STX8: variants seen among roughly 807,000 people sequenced by gnomAD.
The protein encoded by STX8 is syntaxin-8.
STX8 carries 23 observed loss-of-function variants against 37.5 expected under a neutral mutation model. That is an observed-to-expected ratio of 0.61 (90% CI 0.44 to 0.87). The LOEUF (loss-of-function observed/expected upper bound fraction) is 0.87. Ranked by LOEUF, STX8 falls within the 40% of genes least tolerant of loss-of-function variation. STX8 has a pLI of 0.00. For missense variants in STX8, 313 were observed against 284.7 expected (o/e 1.10, Z -0.71); for synonymous variants, 115 against 99.1 (o/e 1.16, Z -0.95).
chr17:9,288,708 G>T (rs535659074), intron 7 of STX8, among the ~76,000 whole-genome samples: 32 of 150,410 alleles, frequency 2.1e-4, no homozygotes, highest in East Asian at 1.8e-3. Flanking sequence ...ATAAATAAAA[G>T]AATTTCAATG....
At chr17:9,413,818 A>G (rs2142337351) in intron 6 of STX8, among the ~76,000 whole-genome samples, 1 of 152,250 alleles carries the variant, frequency 6.6e-6, no homozygotes, top group African/African-American at 2.4e-5. Flanking sequence ...ACCTCAACGG[A>G]AAAAAACTTG....
At chr17:9,391,716 G>A (rs1234314847) in intron 6 of STX8, among the ~76,000 whole-genome samples, 14 of 148,298 alleles carry the variant, frequency 9.4e-5, no homozygotes, top group Non-Finnish European at 2.1e-4. Context: ...GAAAAAGAGA[G>A]AGAGAAAAAA....
chr17:9,510,197 A>G (rs1456940139), intron 4 of STX8, among the ~76,000 whole-genome samples: 1 of 152,164 alleles, frequency 6.6e-6, no homozygotes, highest in East Asian at 1.9e-4. Context: ...AGATTCTAAC[A>G]TCTCACTCTC....
intron 7 of STX8, among the ~76,000 whole-genome samples, chr17:9,314,434 C>G (rs187214168): frequency 6.6e-6 from 1 of 152,084 alleles, no homozygotes; most frequent in Non-Finnish European, 1.5e-5. Context: ...GTCTCACTCT[C>G]TCTCCCAGTC....
chr17:9,449,846 A>G (rs1166143477), intron 6 of STX8, among the ~76,000 whole-genome samples: 1 of 151,760 alleles, frequency 6.6e-6, no homozygotes, highest in Non-Finnish European at 1.5e-5. Context: ...AGCCAAGCAC[A>G]GGTGGCACAC....
intron 6 of STX8, among the ~76,000 whole-genome samples, chr17:9,468,827 C>T (rs1205000469): frequency 1.3e-5 from 2 of 152,120 alleles, no homozygotes; most frequent in Non-Finnish European, 2.9e-5. Context: ...ATTTCGGCAC[C>T]CGGGCTTCCC....
rs536540324 is a variant in STX8, at chr17:9,400,702, G to T, written c.542-22049C>A. ...TTACAGGCGTGAGCCACCCGCGCCCGGCCGAGTCAGTGGAATTATTTAAAT... is the reference window on the plus strand; with the variant it reads ...TTACAGGCGTGAGCCACCCGCGCCCTGCCGAGTCAGTGGAATTATTTAAAT... On this transcript the variant is annotated intron_variant, in intron 6 of 7. Coordinates refer to ENST00000306357, the MANE Select transcript of STX8 (RefSeq NM_004853.3). 1.4e-4 allele frequency among the ~76,000 whole-genome samples: 22 copies of T among 152,316 alleles called. No homozygotes were observed. In the South Asian group the frequency reaches 2.7e-3, roughly 19 times the overall value.
chr17:9,502,233 T>C (rs2125349), intron 5 of STX8, among the ~76,000 whole-genome samples: 108,304 of 152,014 alleles, frequency 0.71, 38,832 homozygotes, highest in Middle Eastern at 0.85. Flanking sequence ...TATGATCTCA[T>C]TTATATGCAG....
chr17:9,415,795 T>A (rs17206891), intron 6 of STX8, among the ~76,000 whole-genome samples: 48,625 of 151,998 alleles, frequency 0.32, 9,222 homozygotes, highest in East Asian at 0.61. Flanking sequence ...AGCAATGGCT[T>A]TTCTTCTGTA....
intron 6 of STX8, among the ~76,000 whole-genome samples, chr17:9,448,711 G>A (rs981233011): frequency 6.6e-6 from 1 of 152,120 alleles, no homozygotes; most frequent in Non-Finnish European, 1.5e-5. Context: ...AATGCTATGA[G>A]CTTGAGGGAC....
At chr17:9,305,892 G>A (rs1424910157) in intron 7 of STX8, among the ~76,000 whole-genome samples, 1 of 151,510 alleles carries the variant, frequency 6.6e-6, no homozygotes, top group Admixed American at 6.6e-5. Context: ...TTACAGATGC[G>A]CACCACCATT....
intron 7 of STX8, among the ~76,000 whole-genome samples, chr17:9,336,380 CCTTT>C (rs1377347604): frequency 6.6e-6 from 1 of 152,052 alleles, no homozygotes; most frequent in Non-Finnish European, 1.5e-5. Flanking sequence ...TCCTTTCCTT[CCTTT>C]CTTTCTCCCC....
intron 7 of STX8, among the ~76,000 whole-genome samples, chr17:9,348,279 C>T (rs1457861784): frequency 4.0e-5 from 6 of 151,824 alleles, no homozygotes; most frequent in African/African-American, 1.2e-4. Context: ...ATTAGCCAGG[C>T]GTGGTGCGGA....
chr17:9,341,508 C>T (rs1314267082), intron 7 of STX8, among the ~76,000 whole-genome samples: 1 of 152,270 alleles, frequency 6.6e-6, no homozygotes, highest in South Asian at 2.1e-4. Context: ...GTGATCTCGG[C>T]TCACTGCAAC....
intron 7 of STX8, among the ~76,000 whole-genome samples, chr17:9,253,846 A>C (rs1906683201): frequency 6.6e-6 from 1 of 152,150 alleles, no homozygotes; most frequent in East Asian, 1.9e-4. Flanking sequence ...AAGTGACAAG[A>C]ACAAAGAAAT....
intron 7 of STX8, among the ~76,000 whole-genome samples, chr17:9,336,088 T>C (rs1482156822): frequency 1.3e-5 from 2 of 152,174 alleles, no homozygotes; most frequent in African/African-American, 2.4e-5. Flanking sequence ...AGGCGAAACA[T>C]TCCAGGCTGA....
At chr17:9,267,140 A>G (rs1271674115) in intron 7 of STX8, among the ~76,000 whole-genome samples, 1 of 152,156 alleles carries the variant, frequency 6.6e-6, no homozygotes, top group Non-Finnish European at 1.5e-5. Flanking sequence ...ATGGCATAAG[A>G]GCTGAAACAC....
intron 7 of STX8, among the ~76,000 whole-genome samples, chr17:9,374,708 T>C (rs1397195652): frequency 6.6e-6 from 1 of 152,092 alleles, no homozygotes; most frequent in East Asian, 1.9e-4. Flanking sequence ...AATTATTAAG[T>C]AAATATTACA....
chr17:9,512,760 G>A (rs919642972), intron 4 of STX8, among the ~76,000 whole-genome samples: 2 of 152,122 alleles, frequency 1.3e-5, no homozygotes, highest in Non-Finnish European at 2.9e-5. Flanking sequence ...TAACAGAGGT[G>A]CCAAGAATAC....
Sources: gnomAD v4.1 joint callset for allele counts (sites outside exome capture counted in the v4.1 genomes callset) on GRCh38, gnomAD v4.1.1 for gene constraint, MANE v1.5 for transcripts, NCBI Gene and HGNC (gene_info 2026-07-23, HGNC 2026-07-21) for gene names.